SUGCT: variants seen among roughly 807,000 people sequenced by gnomAD.
SUGCT encodes succinyl-CoA:glutarate-CoA transferase.
A neutral mutation model predicts 55.0 loss-of-function variants in SUGCT; 41 were observed. That is an observed-to-expected ratio of 0.74 (90% CI 0.58 to 0.97). The LOEUF is 0.97. Ranked by LOEUF, SUGCT falls within the 50% of genes least tolerant of loss-of-function variation. The probability of loss-of-function intolerance (pLI) is 0.00; values close to 1 mark genes in which losing one functional copy is unlikely to be tolerated. For synonymous variants in SUGCT, 187 were observed against 200.4 expected (o/e 0.93, Z 0.56); for missense variants, 568 against 547.8 (o/e 1.04, Z -0.37).
chr7:40,533,130 T>G (rs1794182419), intron 12 of SUGCT, among the ~76,000 whole-genome samples: 1 of 152,158 alleles, frequency 6.6e-6, no homozygotes, highest in Admixed American at 6.5e-5. Context: ...TATTTTGAAT[T>G]TTGTGTTAAA....
intron 13 of SUGCT, among the ~76,000 whole-genome samples, chr7:40,823,156 A>G (rs1476215072): frequency 6.6e-6 from 1 of 152,184 alleles, no homozygotes; most frequent in Non-Finnish European, 1.5e-5. Context: ...ATGATTTACC[A>G]TACATCCTAT....
intron 6 of SUGCT, among the ~76,000 whole-genome samples, chr7:40,197,566 G>A (rs1786360318): frequency 6.6e-6 from 1 of 152,138 alleles, no homozygotes; most frequent in Admixed American, 6.6e-5. Context: ...TTGGATCAGT[G>A]GCCACCAAAT....
At chr7:40,586,106 A>G (rs750110450) in intron 12 of SUGCT, among the ~76,000 whole-genome samples, 42 of 152,152 alleles carry the variant, frequency 2.8e-4, no homozygotes, top group Non-Finnish European at 2.2e-4. Context: ...AAGATGCTGT[A>G]TCATTGCTTA....
intron 13 of SUGCT, among the ~76,000 whole-genome samples, chr7:40,782,872 C>A (rs1789825129): frequency 6.6e-6 from 1 of 152,130 alleles, no homozygotes; most frequent in Admixed American, 6.5e-5. Flanking sequence ...CCAATAGATT[C>A]TAGTCTTTTC....
In SUGCT at chr7:40,135,047, A is replaced by G; in HGVS notation, c.27A>G (p.Ala9=). Residue 9 remains alanine, a synonymous_variant, in exon 1 of 14, where the codon GCA becomes GCG. Coordinates refer to ENST00000335693, the MANE Select transcript of SUGCT (RefSeq NM_001193313.2). ...TGCTGGCGACGCTGGCGAGGGTGGC[A>G]GCTCTGCGCAGAACCTGCCTCTTCT... The part of the protein sequence containing the change: MLATLARV[A]ALRRTCLFSG... 1 of 1,562,048 alleles carries G rather than the reference A, an allele frequency of 6.4e-7. No individual in the cohort carries two copies. Among genetic ancestry groups the G allele is most frequent in the Non-Finnish European group, 8.7e-7 (1 of 1,154,600 alleles).
At chr7:40,200,529 C>A (rs1204873303) in intron 6 of SUGCT, among the ~76,000 whole-genome samples, 3 of 151,844 alleles carry the variant, frequency 2.0e-5, no homozygotes, top group African/African-American at 7.3e-5. Flanking sequence ...GAGAGAATAC[C>A]ATGTGCAAAG....
In SUGCT at chr7:40,280,827, A is replaced by G. The variant is rs185020074; in HGVS notation, c.720+6171A>G. On this transcript the variant is annotated intron_variant, in intron 8 of 13. Coordinates refer to ENST00000335693, the MANE Select transcript of SUGCT (RefSeq NM_001193313.2). ...ATGATTTTAGTAAGTTTAGTGGGTTATGTAACCATCAGTATTAATCAGGTT... is the reference window on the plus strand; with the variant it reads ...ATGATTTTAGTAAGTTTAGTGGGTTGTGTAACCATCAGTATTAATCAGGTT... Among the ~76,000 whole-genome samples, 469 of 152,298 alleles carry G rather than the reference A, an allele frequency of 3.1e-3. 2 individuals carry two copies. The highest frequency in any genetic ancestry group is 0.017 in the Middle Eastern group (5 of 294).
the SUGCT span, among the ~76,000 whole-genome samples, chr7:40,892,565 G>A: frequency 2.0e-4 from 30 of 152,142 alleles, no homozygotes; most frequent in Non-Finnish European, 3.8e-4. Flanking sequence ...AGAGGGTCTT[G>A]CTTTGTCACC....
At chr7:40,923,436 G>A in the SUGCT span, among the ~76,000 whole-genome samples, 377 of 152,264 alleles carry the variant, frequency 2.5e-3, 1 homozygote, top group African/African-American at 8.6e-3. Context: ...CATTAACCAT[G>A]GTTTTGCACC....
At chr7:40,564,062 G>T (rs1280769119) in intron 12 of SUGCT, among the ~76,000 whole-genome samples, 1 of 152,166 alleles carries the variant, frequency 6.6e-6, no homozygotes, top group East Asian at 1.9e-4. Context: ...AGTTGTAGGT[G>T]ATTTATTTGT....
intron 9 of SUGCT, among the ~76,000 whole-genome samples, chr7:40,435,289 T>C (rs1264811025): frequency 1.3e-5 from 2 of 152,206 alleles, no homozygotes; most frequent in Non-Finnish European, 2.9e-5. Context: ...ATATTCAGCA[T>C]GTCACTTTAA....
intron 11 of SUGCT, among the ~76,000 whole-genome samples, chr7:40,488,901 G>A (rs1791532204): frequency 6.6e-6 from 1 of 152,006 alleles, no homozygotes; most frequent in Non-Finnish European, 1.5e-5. Flanking sequence ...TCCTCTCTAT[G>A]GTTTTGATAT....
At chr7:40,519,352 G>A (rs1412760348) in intron 12 of SUGCT, among the ~76,000 whole-genome samples, 1 of 152,010 alleles carries the variant, frequency 6.6e-6, no homozygotes, top group Admixed American at 6.6e-5. Flanking sequence ...GCCAATATGA[G>A]TTTCTTAGTT....
In SUGCT at chr7:40,589,225, T is replaced by G. The variant is rs367994481; in HGVS notation, c.1089+92839T>G. Among the ~76,000 whole-genome samples, 13 of 152,208 alleles carry G rather than the reference T, an allele frequency of 8.5e-5. No homozygotes were observed. The East Asian group carries it at 1.2e-3, about 14-fold the overall frequency. On this transcript the variant is annotated intron_variant, in intron 12 of 13. Transcript: ENST00000335693. ...AGACAATATTTTCTTATGTACCTCC[T>G]TTTTCTTCTTATAATTCCACTTTAA...
rs552005089 is a variant in SUGCT, at chr7:40,175,474, C to A, written c.101-5473C>A. Among the ~76,000 whole-genome samples, 7 of 152,320 alleles carry A rather than the reference C, an allele frequency of 4.6e-5. No homozygotes were observed. The East Asian group carries it at 1.2e-3, about 25-fold the overall frequency. On this transcript the variant is annotated intron_variant, in intron 1 of 13. Coordinates refer to ENST00000335693, the MANE Select transcript of SUGCT (RefSeq NM_001193313.2). ...ACCTTAAGTGATCCGCCTGCCTCCT[C>A]CTCCCAAAGTGCTGGGATTACAGGT...
At chr7:40,258,705 G>T (rs1161187233) in intron 7 of SUGCT, among the ~76,000 whole-genome samples, 1 of 152,192 alleles carries the variant, frequency 6.6e-6, no homozygotes, top group Non-Finnish European at 1.5e-5. Flanking sequence ...ACTGGTAATT[G>T]TAAAGTTGTA....
At chr7:40,821,474 C>A (rs761129916) in intron 13 of SUGCT, among the ~76,000 whole-genome samples, 3 of 152,178 alleles carry the variant, frequency 2.0e-5, no homozygotes, top group Non-Finnish European at 4.4e-5. Flanking sequence ...GATTCAACTT[C>A]TTCCTGGTTT....
chr7:40,902,438 G>C, the SUGCT span, among the ~76,000 whole-genome samples: 1 of 151,654 alleles, frequency 6.6e-6, no homozygotes, highest in Non-Finnish European at 1.5e-5. Flanking sequence ...AAATTAACCG[G>C]GCTTGGTGGC....
intron 1 of SUGCT, among the ~76,000 whole-genome samples, chr7:40,139,137 A>C (rs1787847668): frequency 7.2e-6 from 1 of 139,042 alleles, no homozygotes; most frequent in Admixed American, 6.8e-5. Flanking sequence ...AAAATAAATA[A>C]ATAAATAAAT....
Sources: gnomAD v4.1 joint callset for allele counts (sites outside exome capture counted in the v4.1 genomes callset) on GRCh38, gnomAD v4.1.1 for gene constraint, MANE v1.5 for transcripts, NCBI Gene and HGNC (gene_info 2026-07-23, HGNC 2026-07-21) for gene names.